NUP210L: variants seen among roughly 807,000 people sequenced by gnomAD.
The protein encoded by NUP210L is nucleoporin 210 like.
A neutral mutation model predicts 208.5 loss-of-function variants in NUP210L; 74 were observed. The observed-to-expected ratio is 0.35, with a 90% CI of 0.29 to 0.43. NUP210L has a LOEUF of 0.43. NUP210L is among the 20% of genes least tolerant of loss of function. The probability of loss-of-function intolerance (pLI) is 1.00; values close to 1 mark genes in which losing one functional copy is unlikely to be tolerated. For synonymous variants in NUP210L, 780 were observed against 816.9 expected (o/e 0.95, Z 0.77); for missense variants, 1,843 against 2,289.4 (o/e 0.81, Z 3.98).
At chr1:154,064,182 G>A (rs762139970) in intron 17 of NUP210L, among the ~76,000 whole-genome samples, 15 of 151,878 alleles carry the variant, frequency 9.9e-5, no homozygotes, top group Non-Finnish European at 2.2e-4. Context: ...ACAGGCATGA[G>A]CCAATGCACC....
rs766496361 is a variant in NUP210L, at chr1:154,058,115, C to A, written c.3081G>T (p.Gln1027His). 2.5e-6 allele frequency: 4 copies of A among 1,614,132 alleles called. No homozygotes were observed. Among genetic ancestry groups the A allele is most frequent in the Non-Finnish European group, 3.4e-6 (4 of 1,180,002 alleles). The change falls in exon 22 of 40, where the codon CAG (glutamine) becomes CAT (histidine). Residue 1027 changes from glutamine to histidine, a missense_variant. This residue lies in a region of NUP210L where 781 missense variants were observed against 973.8 expected (regional missense o/e 0.80). Transcript: ENST00000368559. ...TCAGGGTGACAATGGCAGAAGCCAA[C>A]TGCAGTTTGAGTTCCATGTTTCTGA...
At chr1:154,003,239 G>A (rs1650320404) in intron 35 of NUP210L, among the ~76,000 whole-genome samples, 1 of 149,272 alleles carries the variant, frequency 6.7e-6, no homozygotes, top group Non-Finnish European at 1.5e-5. Context: ...ACAGAGTCTC[G>A]CCCTGTTGCC....
chr1:154,060,551 T>C (rs759766054), exon 20 of NUP210L: 2 of 1,610,484 alleles, frequency 1.2e-6, no homozygotes, highest in Non-Finnish European at 1.7e-6. Flanking sequence ...TCAACAGAGC[T>C]TTCTGCTTCC....
At chr1:154,107,507 C>T (rs1237484019) in intron 12 of NUP210L, among the ~76,000 whole-genome samples, 1 of 150,886 alleles carries the variant, frequency 6.6e-6, no homozygotes, top group Non-Finnish European at 1.5e-5. Flanking sequence ...ATGCATCAGT[C>T]TCTCAACAGC....
intron 2 of NUP210L, among the ~76,000 whole-genome samples, chr1:154,152,439 G>T (rs562590983): frequency 3.3e-5 from 5 of 151,804 alleles, no homozygotes; most frequent in Admixed American, 6.6e-5. Flanking sequence ...CTCCCAAAGT[G>T]GGGGGATTAC....
chr1:154,050,112 T>C (rs747205210), intron 25 of NUP210L, among the ~76,000 whole-genome samples: 1 of 152,164 alleles, frequency 6.6e-6, no homozygotes, highest in Non-Finnish European at 1.5e-5. Flanking sequence ...TAATTATAGC[T>C]CCTGACAAAA....
intron 2 of NUP210L, among the ~76,000 whole-genome samples, chr1:154,144,334 A>G (rs565094305): frequency 6.6e-6 from 1 of 152,312 alleles, no homozygotes; most frequent in African/African-American, 2.4e-5. Flanking sequence ...TTTAAAATGT[A>G]TTTATTTAGG....
Position 154,000,927 on chromosome 1 carries a change from T to C in NUP210L, c.5315A>G (p.Asn1772Ser), listed in dbSNP as rs1420872103. 23 of 1,614,034 alleles carry C rather than the reference T, an allele frequency of 1.4e-5. No homozygotes were observed. Among genetic ancestry groups the C allele is most frequent in the Non-Finnish European group, 1.8e-5 (21 of 1,180,026 alleles). The stretch of plus-strand genomic sequence containing the variant: ...TTGACTGGTGAGTACACAGGAAATA[T>C]TGATGAAAACAGGTGATGCCATTTG... The change falls in exon 37 of 40, where the codon AAT becomes AGT. Residue 1772 changes from asparagine to serine, a missense_variant. Transcript: ENST00000368559.
chr1:154,028,189 G>A (rs1652007429), intron 28 of NUP210L, among the ~76,000 whole-genome samples: 1 of 152,140 alleles, frequency 6.6e-6, no homozygotes, highest in Non-Finnish European at 1.5e-5. Context: ...AAACAACAGA[G>A]CCATTTAGCT....
intron 35 of NUP210L, among the ~76,000 whole-genome samples, chr1:154,003,350 G>A (rs1650327329): frequency 6.6e-6 from 1 of 151,892 alleles, no homozygotes; most frequent in African/African-American, 2.4e-5. Context: ...TGGGACTACA[G>A]GCGCCTGCCA....
At chr1:154,084,942 T>TAC (rs1655542929) in intron 16 of NUP210L, among the ~76,000 whole-genome samples, 1 of 144,798 alleles carries the variant, frequency 6.9e-6, no homozygotes, top group Non-Finnish European at 1.5e-5. Context: ...ACCAATGAGT[T>TAC]ACCAGCCACA....
intron 6 of NUP210L, among the ~76,000 whole-genome samples, chr1:154,137,033 T>C (rs778332439): frequency 4.0e-4 from 61 of 151,780 alleles, no homozygotes; most frequent in Admixed American, 2.2e-3. Context: ...ATCATTGCAA[T>C]GCTCATTCAG....
chr1:154,065,082 TAAATAAATAAAATAAAATA>T (rs1481210955), intron 17 of NUP210L, among the ~76,000 whole-genome samples: 4 of 126,818 alleles, frequency 3.2e-5, no homozygotes, highest in Non-Finnish European at 6.5e-5. Flanking sequence ...TCTCAGTAAA[TAAATAAATAAAATAAAATA>T]AAATAAAATA....
At chr1:154,128,811 C>T (rs1658111550) in intron 8 of NUP210L, among the ~76,000 whole-genome samples, 1 of 152,186 alleles carries the variant, frequency 6.6e-6, no homozygotes, top group Non-Finnish European at 1.5e-5. Flanking sequence ...CACACCACTG[C>T]ATTCCAGCCT....
chr1:154,046,990 G>A (rs548390221), intron 25 of NUP210L, among the ~76,000 whole-genome samples: 13 of 152,102 alleles, frequency 8.5e-5, no homozygotes, highest in South Asian at 2.1e-4. Flanking sequence ...TCCGGGAGGC[G>A]GAGGTTGCAG....
chr1:154,056,748 T>G, intron 23 of NUP210L, 67 bp downstream of exon 23: 2 of 1,475,648 alleles, frequency 1.4e-6, no homozygotes, highest in Non-Finnish European at 1.8e-6. Flanking sequence ...TTGTATAAAC[T>G]AACAGAAAAA....
At chr1:154,036,334 G>A (rs1487440911) in intron 27 of NUP210L, among the ~76,000 whole-genome samples, 1 of 142,360 alleles carries the variant, frequency 7.0e-6, no homozygotes, top group Non-Finnish European at 1.5e-5. Context: ...GTGTGTGTGT[G>A]TGTGTGTGTG....
chr1:154,154,928 A>G, exon 1 of NUP210L: 1 of 1,614,236 alleles, frequency 6.2e-7, no homozygotes, highest in Non-Finnish European at 8.5e-7. Context: ...GTGGCACGTT[A>G]AGTTTGTTGG....
At chr1:154,140,170 G>T (rs1278587810) in intron 4 of NUP210L, among the ~76,000 whole-genome samples, 1 of 151,790 alleles carries the variant, frequency 6.6e-6, no homozygotes, top group African/African-American at 2.4e-5. Context: ...GGCCAACATG[G>T]CAAAACTCCA....
Sources: gnomAD v4.1 joint callset for allele counts (sites outside exome capture counted in the v4.1 genomes callset) on GRCh38, gnomAD v4.1.1 for gene constraint, gnomAD v4.1.1 regional missense constraint, MANE v1.5 for transcripts, NCBI Gene and HGNC (gene_info 2026-07-23, HGNC 2026-07-21) for gene names.